RUBCNL: variants seen among roughly 807,000 people sequenced by gnomAD.
RUBCNL encodes the protein protein associated with UVRAG as autophagy enhancer.
A neutral mutation model predicts 69.5 loss-of-function variants in RUBCNL; 62 were observed. The observed-to-expected ratio is 0.89, with a 90% CI of 0.73 to 1.10. The LOEUF (loss-of-function observed/expected upper bound fraction) is 1.10, where lower values mean the gene tolerates loss of function less well. Ranked by LOEUF, RUBCNL falls within the 50% of genes least tolerant of loss-of-function variation. RUBCNL has a pLI of 0.00. For missense variants in RUBCNL, 768 were observed against 798.1 expected, an observed-to-expected ratio of 0.96 and a Z score of 0.45; for synonymous variants, 291 against 303.6, an observed-to-expected ratio of 0.96 and a Z score of 0.43.
intron 1 of RUBCNL, among the ~76,000 whole-genome samples, chr13:46,382,670 A>G (rs1361749027): frequency 2.6e-5 from 4 of 152,098 alleles, no homozygotes; most frequent in African/African-American, 7.2e-5. Context: ...AGTAGCTGGG[A>G]TTACAGGCGC....
intron 5 of RUBCNL, among the ~76,000 whole-genome samples, chr13:46,366,660 G>A (rs890117310): frequency 6.6e-6 from 1 of 152,126 alleles, no homozygotes; most frequent in Non-Finnish European, 1.5e-5. Context: ...CTTTGTTATT[G>A]AGTATTCCTG....
intron 1 of RUBCNL, among the ~76,000 whole-genome samples, chr13:46,380,662 T>C (rs2049098021): frequency 6.6e-6 from 1 of 152,200 alleles, no homozygotes; most frequent in Non-Finnish European, 1.5e-5. Context: ...TTATTATTCA[T>C]ACTTGTATAA....
chr13:46,346,776 G>C (rs1403425766), intron 12 of RUBCNL, among the ~76,000 whole-genome samples: 1 of 151,988 alleles, frequency 6.6e-6, no homozygotes, highest in Non-Finnish European at 1.5e-5. Context: ...ACGCTTTAAA[G>C]CTAAACCATT....
chr13:46,372,650 G>A, intron 2 of RUBCNL, 53 bp from the exon 3 acceptor site: 1 of 1,411,984 alleles, frequency 7.1e-7, no homozygotes. Context: ...TTGTATTTTG[G>A]CTACAAATTA....
Position 46,339,361 on chromosome 13 carries a change from A to C in RUBCNL, c.*4024T>G, listed in dbSNP as rs1056098565. Among the ~76,000 whole-genome samples, 1 of 152,240 alleles carries C rather than the reference A, an allele frequency of 6.6e-6. No individual in the cohort carries two copies. Among genetic ancestry groups the C allele is most frequent in the African/African-American group, 2.4e-5 (1 of 41,470 alleles). The stretch of plus-strand genomic sequence containing the variant: ...GCTTGTTTTAAGGAAGCACGCTTCT[A>C]AAAATGACACACTTCACCCTCCTTT... On this transcript the variant is annotated 3_prime_UTR_variant, in exon 15 of 15. Coordinates refer to ENST00000429979, the MANE Select transcript of RUBCNL (RefSeq NM_025113.5).
intron 5 of RUBCNL, 81 bp downstream of exon 5, chr13:46,367,961 G>T: frequency 1.6e-6 from 2 of 1,288,616 alleles, no homozygotes; most frequent in Non-Finnish European, 1.1e-6. Flanking sequence ...TGGAATATAT[G>T]CCCCGTGGAT....
intron 5 of RUBCNL, among the ~76,000 whole-genome samples, chr13:46,363,891 C>T (rs1346067625): frequency 6.7e-6 from 1 of 149,360 alleles, no homozygotes; most frequent in African/African-American, 2.5e-5. Flanking sequence ...ACTATAGCAA[C>T]ATGATTATTA....
At chr13:46,369,464 C>G (rs2048831953) in intron 3 of RUBCNL, among the ~76,000 whole-genome samples, 1 of 152,174 alleles carries the variant, frequency 6.6e-6, no homozygotes, top group Non-Finnish European at 1.5e-5. Flanking sequence ...ATCCTTCCAC[C>G]TCAGCCTCTC....
chr13:46,366,970 T>C (rs1444664540), intron 5 of RUBCNL, among the ~76,000 whole-genome samples: 1 of 152,086 alleles, frequency 6.6e-6, no homozygotes, highest in Non-Finnish European at 1.5e-5. Flanking sequence ...AAAACATAGA[T>C]TCAGGAGATA....
At chr13:46,385,122 T>C (rs1273634771) in intron 1 of RUBCNL, 4 of 210,328 alleles carry the variant, frequency 1.9e-5, no homozygotes, top group Non-Finnish European at 3.3e-5. Flanking sequence ...AAGGATGGTG[T>C]GAGAACGAAC....
At chr13:46,362,052 C>A (rs2048623616) in intron 7 of RUBCNL, among the ~76,000 whole-genome samples, 2 of 151,138 alleles carry the variant, frequency 1.3e-5, no homozygotes, top group Admixed American at 6.6e-5. Flanking sequence ...ATAGTGAAAC[C>A]CCATCTCTAC....
chr13:46,372,526 C>T lies in RUBCNL; in HGVS notation c.-51G>A. Reference sequence around the variant, plus strand: ...ATCCATTCAAAACAGATAGGAGTTCCCTGATTGCTGGTACTACTTGATTTG... The same window carrying T: ...ATCCATTCAAAACAGATAGGAGTTCTCTGATTGCTGGTACTACTTGATTTG... On this transcript the variant is annotated 5_prime_UTR_variant, in exon 3 of 15. Coordinates refer to ENST00000429979, the MANE Select transcript of RUBCNL (RefSeq NM_025113.5). 1 of 1,532,338 alleles carries T rather than the reference C, an allele frequency of 6.5e-7. No individual in the cohort carries two copies. Among genetic ancestry groups the T allele is most frequent in the Non-Finnish European group, 8.8e-7 (1 of 1,136,010 alleles). 94.9% of individuals were successfully genotyped at this position (1,532,338 alleles called of 1,614,324 possible). A position where few individuals can be genotyped will look rare whatever the true frequency, so the allele number is the denominator to read the frequency against.
At chr13:46,376,127 G>A (rs2048988561) in intron 2 of RUBCNL, among the ~76,000 whole-genome samples, 1 of 152,178 alleles carries the variant, frequency 6.6e-6, no homozygotes, top group African/African-American at 2.4e-5. Flanking sequence ...AACTGTTTAT[G>A]TTATCAGTAA....
At position 46,336,071 on chromosome 13, in the gene RUBCNL, G is replaced by C. The variant is rs1225529592; in HGVS notation, c.*7314C>G. 1.3e-5 allele frequency among the ~76,000 whole-genome samples: 2 copies of C among 152,230 alleles called. No homozygotes were observed. The highest frequency in any genetic ancestry group is 1.3e-4 in the Admixed American group (2 of 15,290). Reference sequence around the variant, plus strand: ...AGAAAAGAGACCACTGTCTACAGAGGAAGGGGAGAAATCACAAATGTCATG... The same window carrying C: ...AGAAAAGAGACCACTGTCTACAGAGCAAGGGGAGAAATCACAAATGTCATG... On this transcript the variant is annotated 3_prime_UTR_variant, in exon 15 of 15. Coordinates refer to ENST00000429979, the MANE Select transcript of RUBCNL (RefSeq NM_025113.5).
At chr13:46,384,611 A>G (rs2049196484) in intron 1 of RUBCNL, among the ~76,000 whole-genome samples, 1 of 152,208 alleles carries the variant, frequency 6.6e-6, no homozygotes, top group Admixed American at 6.5e-5. Context: ...TTCTTTTAAT[A>G]AATATAAAGC....
intron 12 of RUBCNL, among the ~76,000 whole-genome samples, chr13:46,346,972 A>T (rs1484321257): frequency 6.6e-6 from 1 of 152,156 alleles, no homozygotes; most frequent in Admixed American, 6.6e-5. Context: ...GAACACCTAG[A>T]TTTTTAAAAT....
chr13:46,363,191 G>C lies in RUBCNL; in HGVS notation c.849C>G (p.Ser283Arg), dbSNP rs2048671971. 1 of 1,588,100 alleles carries C rather than the reference G, an allele frequency of 6.3e-7. No individual in the cohort carries two copies. Among genetic ancestry groups the C allele is most frequent in the Non-Finnish European group, 8.6e-7 (1 of 1,166,214 alleles). The change falls in exon 6 of 15, where the codon AGC (serine) becomes AGG (arginine). Residue 283 changes from serine (S) to arginine (R), a missense_variant. Transcript: ENST00000429979. ...GYEGCAVLQV[S>R]PVTETRTYHD... is the part of the protein sequence containing the mutation. ...GGTAAGTACGTGTTTCAGTCACTGG[G>C]CTGACCTGTAACACAGCACAACCTA...
At chr13:46,362,032 C>T (rs892739374) in intron 7 of RUBCNL, among the ~76,000 whole-genome samples, 4 of 151,454 alleles carry the variant, frequency 2.6e-5, no homozygotes, top group Non-Finnish European at 5.9e-5. Flanking sequence ...TCAAGACCAG[C>T]CTGGTCAACA....
intron 10 of RUBCNL, among the ~76,000 whole-genome samples, chr13:46,353,344 A>T (rs1408195): frequency 0.13 from 19,858 of 152,232 alleles, 2,729 homozygotes; most frequent in East Asian, 0.43. Context: ...AGCTTCTGGT[A>T]GCAACAGTTT....
Sources: gnomAD v4.1 joint callset for allele counts (sites outside exome capture counted in the v4.1 genomes callset) on GRCh38, gnomAD v4.1.1 for gene constraint, MANE v1.5 for transcripts, NCBI Gene and HGNC (gene_info 2026-07-23, HGNC 2026-07-21) for gene names.